Variants in DCDC1 observed in about 807,000 individuals in gnomAD.
DCDC1 encodes the protein doublecortin domain-containing protein 1.
DCDC1 carries 200 observed loss-of-function variants against 178.3 expected under a neutral mutation model. That is an observed-to-expected ratio of 1.12 (90% CI 1.00 to 1.26). The LOEUF is 1.26. Among genes scored for constraint, DCDC1 ranks in the 50% most tolerant of loss-of-function variants. DCDC1 has a pLI of 0.00. For missense variants in DCDC1, 1,983 were observed against 1,749.2 expected (o/e 1.13, Z -2.38); for synonymous variants, 690 against 604.8 (o/e 1.14, Z -2.07).
At chr11:31,279,243 T>TG (rs1352923418) in intron 7 of DCDC1, among the ~76,000 whole-genome samples, 7 of 151,320 alleles carry the variant, frequency 4.6e-5, no homozygotes, top group East Asian at 4.0e-4. Context: ...CATTTTCTTT[T>TG]TTTTGTGTGT....
intron 9 of DCDC1, among the ~76,000 whole-genome samples, chr11:31,157,133 C>A (rs1052602163): frequency 6.6e-6 from 1 of 151,598 alleles, no homozygotes. Context: ...AATCCTGGCA[C>A]TTTGGGAGGC....
intron 9 of DCDC1, among the ~76,000 whole-genome samples, chr11:31,157,368 A>ATATAT (rs71451195): frequency 1.1e-4 from 12 of 109,226 alleles, no homozygotes; most frequent in Admixed American, 1.9e-4. Context: ...AAAAAAAAAA[A>ATATAT]AAAAATATAT....
At chr11:31,196,130 C>T (rs1312532525) in intron 9 of DCDC1, among the ~76,000 whole-genome samples, 1 of 151,980 alleles carries the variant, frequency 6.6e-6, no homozygotes, top group African/African-American at 2.4e-5. Flanking sequence ...TTCCCTAAAT[C>T]ACACATTTCC....
chr11:31,213,100 CCTCTCTCTCT>C (rs71060480), intron 9 of DCDC1, among the ~76,000 whole-genome samples: 1,008 of 44,230 alleles, frequency 0.023, 44 homozygotes, highest in East Asian at 0.066. Flanking sequence ...TAAAGCCCAG[CCTCTCTCTCT>C]CTCTCTCTCT....
intron 9 of DCDC1, among the ~76,000 whole-genome samples, chr11:31,200,903 A>G (rs1971218082): frequency 6.6e-6 from 1 of 151,950 alleles, no homozygotes; most frequent in Admixed American, 6.6e-5. Context: ...GTACTCCAGA[A>G]ATATATGATC....
At chr11:31,272,113 G>A (rs559905311) in intron 7 of DCDC1, among the ~76,000 whole-genome samples, 2 of 149,632 alleles carry the variant, frequency 1.3e-5, no homozygotes, top group African/African-American at 4.9e-5. Context: ...AGTGAGCCGA[G>A]ATCGTGCCAT....
At chr11:31,193,786 T>C (rs1970383844) in intron 9 of DCDC1, among the ~76,000 whole-genome samples, 1 of 152,112 alleles carries the variant, frequency 6.6e-6, no homozygotes, top group Admixed American at 6.6e-5. Context: ...CTGTCAACCA[T>C]GCTAACTCAC....
chr11:31,028,682 A>G (rs1027075218), intron 20 of DCDC1, among the ~76,000 whole-genome samples: 1 of 151,990 alleles, frequency 6.6e-6, no homozygotes, highest in Non-Finnish European at 1.5e-5. Context: ...TTTTTTTCCT[A>G]ATGAAATAAA....
chr11:31,265,543 C>A lies in DCDC1; in HGVS notation c.1018G>T (p.Asp340Tyr). 6.9e-7 allele frequency: 1 copy of A among 1,448,240 alleles called. No individual in the cohort carries two copies. Among genetic ancestry groups the A allele is most frequent in the Non-Finnish European group, 9.1e-7 (1 of 1,095,584 alleles). 89.7% of individuals were successfully genotyped at this position (1,448,240 alleles called of 1,614,324 possible). A position where few individuals can be genotyped will look rare whatever the true frequency, so the allele number is the denominator to read the frequency against. The change falls in exon 8 of 39, where the codon GAT becomes TAT. Residue 340 changes from aspartate to tyrosine, a missense_variant. Coordinates refer to ENST00000684477, the MANE Select transcript of DCDC1 (RefSeq NM_001387274.1). ...NLNLPARYFY[D>Y]LYGRKIEDIS... ...TCTTCAATTTTTCTGCCATACAAAT[C>A]ATAAAAATATCTGGCTGGTAAATTT...
chr11:31,328,136 T>G lies in DCDC1; in HGVS notation c.145A>C (p.Ile49Leu). ...TCTTACCTTGGTAAATCATTCAAAA[T>G]ATATTTGTAAATTGGGTTTACAGTA... ...GNTVNPIYKYILNDLPREFMS... is the reference protein window; with the variant it reads ...GNTVNPIYKYLLNDLPREFMS... The change falls in exon 3 of 39, where the codon ATT becomes CTT. Residue 49 changes from isoleucine to leucine, a missense_variant. By Grantham distance (5) the Ile-to-Leu change is conservative (BLOSUM62 2). Coordinates refer to ENST00000684477, the MANE Select transcript of DCDC1 (RefSeq NM_001387274.1). The G allele has an allele frequency of 6.2e-7, 1 of 1,605,898 alleles. No homozygotes were observed. The highest frequency in any genetic ancestry group is 1.3e-5 in the African/African-American group (1 of 74,854).
intron 13 of DCDC1, 74 bp from the exon 14 acceptor site, chr11:31,103,843 T>G: frequency 1.4e-6 from 1 of 717,942 alleles, no homozygotes; most frequent in East Asian, 2.5e-5. Context: ...AAATAAACAA[T>G]AAAATACACA....
At chr11:31,071,784 C>G (rs1412790850) in intron 18 of DCDC1, among the ~76,000 whole-genome samples, 1 of 152,156 alleles carries the variant, frequency 6.6e-6, no homozygotes, top group African/African-American at 2.4e-5. Context: ...TTCTCTCTCA[C>G]TCTTTTGTCT....
intron 20 of DCDC1, among the ~76,000 whole-genome samples, chr11:31,013,996 A>G (rs1952327302): frequency 6.6e-6 from 1 of 152,208 alleles, no homozygotes; most frequent in South Asian, 2.1e-4. Flanking sequence ...GGCATTTCCA[A>G]CCTTGTCTAG....
chr11:30,867,308 C>T (rs1380093592), intron 38 of DCDC1, among the ~76,000 whole-genome samples: 3 of 152,208 alleles, frequency 2.0e-5, no homozygotes, highest in Non-Finnish European at 4.4e-5. Context: ...CCCAGTTCTG[C>T]CACTTATTGG....
At chr11:31,214,819 T>C (rs1341706844) in intron 9 of DCDC1, among the ~76,000 whole-genome samples, 1 of 152,120 alleles carries the variant, frequency 6.6e-6, no homozygotes, top group African/African-American at 2.4e-5. Context: ...ACAGATAAAT[T>C]TCAAATATAT....
chr11:31,063,986 G>A (rs1956112524), intron 20 of DCDC1, among the ~76,000 whole-genome samples: 1 of 152,094 alleles, frequency 6.6e-6, no homozygotes, highest in Non-Finnish European at 1.5e-5. Context: ...CAGTTGGTTA[G>A]CAATATCAAT....
intron 1 of DCDC1, among the ~76,000 whole-genome samples, chr11:31,343,041 G>C (rs1328811330): frequency 6.6e-6 from 1 of 152,080 alleles, no homozygotes; most frequent in African/African-American, 2.4e-5. Flanking sequence ...CAAGGTGGGA[G>C]GATCTCTTGA....
intron 1 of DCDC1, among the ~76,000 whole-genome samples, chr11:31,341,402 GATA>G (rs1253143777): frequency 7.0e-6 from 1 of 142,078 alleles, no homozygotes; most frequent in East Asian, 2.0e-4. Context: ...TAGATAGATA[GATA>G]GATAGATAGA....
At chr11:30,900,815 G>A (rs930450218) in intron 32 of DCDC1, among the ~76,000 whole-genome samples, 1 of 152,006 alleles carries the variant, frequency 6.6e-6, no homozygotes, top group Non-Finnish European at 1.5e-5. Flanking sequence ...AAGCACAGGG[G>A]AAAGGAGTAT....
Sources: allele counts gnomAD v4.1 joint callset (sites outside exome capture counted in the v4.1 genomes callset), GRCh38; gene constraint gnomAD v4.1.1; transcripts MANE v1.5; gene names NCBI Gene and HGNC (gene_info 2026-07-23, HGNC 2026-07-21).